Variants in KIF16B observed in about 807,000 individuals in gnomAD.
KIF16B encodes the protein kinesin family member 16B.
A neutral mutation model predicts 156.3 loss-of-function variants in KIF16B; 98 were observed. That is an observed-to-expected ratio of 0.63 (90% CI 0.53 to 0.74). The LOEUF (loss-of-function observed/expected upper bound fraction) is 0.74. Ranked by LOEUF, KIF16B falls within the 30% of genes least tolerant of loss-of-function variation. The pLI, the probability that KIF16B is intolerant of heterozygous loss-of-function variation, is 0.00. For synonymous variants in KIF16B, 564 were observed against 583.7 expected, an observed-to-expected ratio of 0.97 and a Z score of 0.49; for missense variants, 1,421 against 1,606.5, an observed-to-expected ratio of 0.88 and a Z score of 1.97.
intron 3 of KIF16B, among the ~76,000 whole-genome samples, chr20:16,516,261 G>A (rs1164178924): frequency 6.6e-6 from 1 of 152,122 alleles, no homozygotes; most frequent in Non-Finnish European, 1.5e-5. Flanking sequence ...GGATGGAGAG[G>A]GCAGGGAGAC....
intron 25 of KIF16B, among the ~76,000 whole-genome samples, chr20:16,304,579 T>A (rs1381161533): frequency 6.6e-6 from 1 of 152,012 alleles, no homozygotes; most frequent in African/African-American, 2.4e-5. Context: ...AGAAAAAAAA[T>A]AAAAACCTAA....
intron 12 of KIF16B, among the ~76,000 whole-genome samples, chr20:16,442,344 G>T (rs546429592): frequency 6.1e-4 from 91 of 149,834 alleles, no homozygotes; most frequent in African/African-American, 1.8e-3. Context: ...ATGTGTGTGT[G>T]TGTGTATATA....
At chr20:16,462,169 G>A (rs1378121623) in intron 12 of KIF16B, among the ~76,000 whole-genome samples, 4 of 152,066 alleles carry the variant, frequency 2.6e-5, no homozygotes, top group Admixed American at 6.6e-5. Context: ...TGAACCCAGT[G>A]GGCGGAGGTT....
chr20:16,470,997 A>T (rs6043979), intron 12 of KIF16B, among the ~76,000 whole-genome samples: 2 of 151,972 alleles, frequency 1.3e-5, no homozygotes, highest in Non-Finnish European at 2.9e-5. Flanking sequence ...CATAGGAGAC[A>T]GGAAAAGAAG....
rs145083653 is a variant in KIF16B, at chr20:16,411,665, C to T, written c.1613-5209G>A. Among the ~76,000 whole-genome samples, 102 of 152,106 alleles carry T rather than the reference C, an allele frequency of 6.7e-4. 1 individual carries two copies. Among genetic ancestry groups the T allele is most frequent in the Non-Finnish European group, 1.3e-3 (91 of 67,974 alleles). The stretch of plus-strand genomic sequence containing the variant: ...GGGAACATACTATTGTCATGTGTGG[C>T]CTGAACATCTGCCATTTTTTTGTCC... On this transcript the variant is annotated intron_variant, in intron 15 of 25. Transcript: ENST00000354981.
At position 16,312,409 on chromosome 20, in the gene KIF16B, G is replaced by A. The variant is rs765996308; in HGVS notation, c.3721C>T (p.Leu1241Phe). 1.9e-5 allele frequency: 30 copies of A among 1,612,186 alleles called. No individual in the cohort carries two copies. The highest frequency in any genetic ancestry group is 2.2e-5 in the South Asian group (2 of 91,008). ...AATAGTTTCTTTGGAGGAAATTCAA[G>A]GGCAGCAAGCTGAAATAGACATTTT... ...LKLKYAELAALEFPPKKLFGN... is the reference protein window; with the variant it reads ...LKLKYAELAAFEFPPKKLFGN... Residue 1241 changes from leucine (L) to phenylalanine (F), a missense_variant, in exon 25 of 26, where the codon CTT (leucine) becomes TTT (phenylalanine). Coordinates refer to ENST00000354981, the MANE Select transcript of KIF16B (RefSeq NM_024704.5).
At chr20:16,464,280 TAGAA>T (rs1303696557) in intron 12 of KIF16B, among the ~76,000 whole-genome samples, 1 of 152,132 alleles carries the variant, frequency 6.6e-6, no homozygotes, top group African/African-American at 2.4e-5. Flanking sequence ...GGGAATATAA[TAGAA>T]TGATCAAAGA....
intron 1 of KIF16B, among the ~76,000 whole-genome samples, chr20:16,561,431 AAT>A (rs78042850): frequency 0.016 from 2,465 of 152,308 alleles, 28 homozygotes; most frequent in Middle Eastern, 0.041. Flanking sequence ...CATTTCAAAT[AAT>A]ATGACAAATC....
chr20:16,285,892 C>T (rs957716115), intron 25 of KIF16B, among the ~76,000 whole-genome samples: 3 of 152,158 alleles, frequency 2.0e-5, no homozygotes, highest in African/African-American at 7.2e-5. Flanking sequence ...TTTCAACTTA[C>T]ACAAGCAGGT....
In KIF16B at chr20:16,526,098, T is replaced by C; in HGVS notation, c.225A>G (p.Gln75=). 6.4e-7 allele frequency: 1 copy of C among 1,558,308 alleles called. No homozygotes were observed. Among genetic ancestry groups the C allele is most frequent in the South Asian group, 1.2e-5 (1 of 85,562 alleles). The change falls in exon 3 of 26, where the codon CAA becomes CAG. Residue 75 remains glutamine (Q), a synonymous_variant. Coordinates refer to ENST00000354981, the MANE Select transcript of KIF16B (RefSeq NM_024704.5). The stretch of plus-strand genomic sequence containing the variant: ...TTTTGAAAATATCATATACCATTTC[T>C]TGTGAAACGTAATCTGGGCTTTTTG... The part of the protein sequence containing the change: ...ADTKSPDYVS[Q]EMVFKTLGTD...
At chr20:16,500,563 T>A (rs1178710374) in intron 10 of KIF16B, among the ~76,000 whole-genome samples, 4 of 152,184 alleles carry the variant, frequency 2.6e-5, no homozygotes, top group African/African-American at 9.6e-5. Context: ...CTCCTGCTAT[T>A]TCGAACAGTT....
chr20:16,315,015 T>C (rs1456953673), intron 24 of KIF16B, among the ~76,000 whole-genome samples: 1 of 152,132 alleles, frequency 6.6e-6, no homozygotes, highest in Non-Finnish European at 1.5e-5. Context: ...GGTTGTTTTG[T>C]CATTTTCTTA....
chr20:16,533,171 G>A (rs1314124294), intron 1 of KIF16B, among the ~76,000 whole-genome samples: 2 of 152,202 alleles, frequency 1.3e-5, no homozygotes, highest in Non-Finnish European at 2.9e-5. Flanking sequence ...TGGCTGGGAA[G>A]GGGGATCAGG....
In KIF16B at chr20:16,356,467, T is replaced by C. The variant is rs191778692; in HGVS notation, c.3499-15A>G. The C allele has an allele frequency of 2.5e-6, 4 of 1,613,724 alleles. No individual in the cohort carries two copies. The highest frequency in any genetic ancestry group is 1.1e-5 in the South Asian group (1 of 91,056). On this transcript the variant is annotated splice_polypyrimidine_tract_variant and intron_variant, in intron 22 of 25. Coordinates refer to ENST00000354981, the MANE Select transcript of KIF16B (RefSeq NM_024704.5). ...GAAACCATCCGCTATCAAAGGCATG[T>C]CAGACAGGGAGAACAAAGAGAAACC... is the stretch of plus-strand genomic sequence containing the variant.
intron 19 of KIF16B, among the ~76,000 whole-genome samples, chr20:16,376,035 G>C (rs2064942809): frequency 6.6e-6 from 1 of 152,204 alleles, no homozygotes; most frequent in Admixed American, 6.5e-5. Flanking sequence ...GCAGGCTTCA[G>C]CTTCCTCATG....
intron 12 of KIF16B, among the ~76,000 whole-genome samples, chr20:16,468,039 T>G (rs1396494285): frequency 2.0e-5 from 3 of 152,204 alleles, no homozygotes; most frequent in Non-Finnish European, 4.4e-5. Flanking sequence ...GTAATCACTT[T>G]ACACATCAAT....
At chr20:16,484,665 T>A (rs764435094) in intron 12 of KIF16B, among the ~76,000 whole-genome samples, 1 of 152,240 alleles carries the variant, frequency 6.6e-6, no homozygotes, top group Non-Finnish European at 1.5e-5. Flanking sequence ...TTGCGTGTGA[T>A]GGTACTGGTG....
intron 25 of KIF16B, among the ~76,000 whole-genome samples, chr20:16,298,461 G>A (rs2063423285): frequency 1.3e-5 from 2 of 152,188 alleles, no homozygotes; most frequent in Non-Finnish European, 2.9e-5. Context: ...TATGTGTCCA[G>A]GAATTTATCT....
intron 1 of KIF16B, among the ~76,000 whole-genome samples, chr20:16,551,428 C>G (rs971477640): frequency 6.6e-6 from 1 of 152,190 alleles, no homozygotes; most frequent in Non-Finnish European, 1.5e-5. Flanking sequence ...TGTGCCTGGC[C>G]GAGGCGCTTT....
Sources: allele counts gnomAD v4.1 joint callset (sites outside exome capture counted in the v4.1 genomes callset), GRCh38; gene constraint gnomAD v4.1.1; transcripts MANE v1.5; gene names NCBI Gene and HGNC (gene_info 2026-07-23, HGNC 2026-07-21).